CELF2: variants seen among roughly 807,000 people sequenced by gnomAD.
CELF2 encodes CUG triplet repeat RNA-binding protein 2.
Under a neutral mutation model 62.6 loss-of-function variants are expected in CELF2, and 8 were observed. The ratio of observed to expected loss-of-function variants is 0.13; its 90% CI spans 0.07 to 0.23. The LOEUF (loss-of-function observed/expected upper bound fraction) is 0.23. Ranked by LOEUF, CELF2 falls within the 10% of genes least tolerant of loss-of-function variation. The pLI is 1.00. For synonymous variants in CELF2, 258 were observed against 250.0 expected (o/e 1.03, Z -0.30); for missense variants, 333 against 671.0 (o/e 0.50, Z 5.56).
chr10:10,686,994 C>T, the CELF2 span, among the ~76,000 whole-genome samples: 3 of 152,138 alleles, frequency 2.0e-5, no homozygotes, highest in African/African-American at 7.2e-5. Flanking sequence ...GATCTCTGGC[C>T]ATTGTATGCT....
chr10:10,612,395 A>G, the CELF2 span, among the ~76,000 whole-genome samples: 2 of 152,172 alleles, frequency 1.3e-5, no homozygotes, highest in African/African-American at 4.8e-5. Context: ...GTTACTCATT[A>G]ACTGTGAGCT....
chr10:10,675,094 A>G, the CELF2 span, among the ~76,000 whole-genome samples: 1 of 152,102 alleles, frequency 6.6e-6, no homozygotes, highest in Admixed American at 6.6e-5. Context: ...CCCTTTATTT[A>G]TGTGGATCTG....
chr10:11,010,527 G>C lies in CELF2; in HGVS notation c.53+5087G>C, dbSNP rs934866130. Among the ~76,000 whole-genome samples, 7 of 152,124 alleles carry C rather than the reference G, an allele frequency of 4.6e-5. No individual in the cohort carries two copies. The highest frequency in any genetic ancestry group is 1.7e-4 in the African/African-American group (7 of 41,418). On this transcript the variant is annotated intron_variant, in intron 1 of 12. Coordinates refer to the CELF2 transcript ENST00000416382. This position sits in a 1 kb window ranked among gnomAD's most constrained non-coding sequence, Gnocchi z 4.1. The stretch of plus-strand genomic sequence containing the variant: ...TACACTAACTGGTTACTTTGATCTT[G>C]TATAATTTAATCCTCAGATATCCAA...
At chr10:10,601,058 A>G in the CELF2 span, among the ~76,000 whole-genome samples, 1 of 152,186 alleles carries the variant, frequency 6.6e-6, no homozygotes, top group Non-Finnish European at 1.5e-5. Context: ...AGCAACAGCC[A>G]GACCGGAAGA....
intron 1 of CELF2, among the ~76,000 whole-genome samples, chr10:11,144,362 A>T (rs2061869492): frequency 6.6e-6 from 1 of 152,302 alleles, no homozygotes; most frequent in South Asian, 2.1e-4. Context: ...TAAAGTCATA[A>T]GGAATGTCAT....
rs528411261 is a variant in CELF2, at chr10:10,974,647, T to C, written c.89+54648T>C. ...TACTTCACTAAGCCATCCCCTCTGGTTACGTGATTATGTATAGCAATTTAC... is the reference window on the plus strand; with the variant it reads ...TACTTCACTAAGCCATCCCCTCTGGCTACGTGATTATGTATAGCAATTTAC... On this transcript the variant is annotated intron_variant, in intron 2 of 13. Coordinates refer to the CELF2 transcript ENST00000636488. Among the ~76,000 whole-genome samples the C allele has an allele frequency of 5.9e-5, 9 of 152,326 alleles. No individual in the cohort carries two copies. In the South Asian group the frequency reaches 1.9e-3, roughly 32 times the overall value.
chr10:10,988,450 T>C (rs940159083), intron 2 of CELF2, among the ~76,000 whole-genome samples: 10 of 151,998 alleles, frequency 6.6e-5, no homozygotes, highest in African/African-American at 1.9e-4. Context: ...CACTTATAAG[T>C]GGGAGCTAAG....
chr10:11,019,712 CTGTTTT>C (rs1448620086), intron 1 of CELF2, among the ~76,000 whole-genome samples: 3 of 152,104 alleles, frequency 2.0e-5, no homozygotes, highest in Non-Finnish European at 4.4e-5. Flanking sequence ...TTTCCGTATT[CTGTTTT>C]GGTAGTTTTC....
intron 1 of CELF2, among the ~76,000 whole-genome samples, chr10:11,080,742 A>G (rs578246943): frequency 1.3e-5 from 2 of 152,350 alleles, no homozygotes; most frequent in Admixed American, 6.5e-5. Context: ...ATAAGCCCCT[A>G]TTCCGGAGGT....
chr10:11,295,512 C>A (rs1464118265), intron 9 of CELF2, among the ~76,000 whole-genome samples: 2 of 152,176 alleles, frequency 1.3e-5, no homozygotes, highest in Non-Finnish European at 2.9e-5. Context: ...AAGCTCTCTT[C>A]TCTCCTTTCT....
chr10:10,745,956 A>AG, the CELF2 span, among the ~76,000 whole-genome samples: 1 of 152,240 alleles, frequency 6.6e-6, no homozygotes, highest in Non-Finnish European at 1.5e-5. Context: ...TTGATGGCAT[A>AG]GGGATGGAAA....
At chr10:10,529,679 A>G in the CELF2 span, among the ~76,000 whole-genome samples, 1 of 64,554 alleles carries the variant, frequency 1.5e-5, no homozygotes, top group Non-Finnish European at 2.9e-5. Context: ...GCAAGACTCC[A>G]TCTCAAAAAA....
the CELF2 span, among the ~76,000 whole-genome samples, chr10:10,673,764 T>C: frequency 2.0e-5 from 3 of 152,208 alleles, no homozygotes; most frequent in African/African-American, 4.8e-5. Flanking sequence ...AAAATGTTTT[T>C]TAAATTTCTC....
intron 2 of CELF2, among the ~76,000 whole-genome samples, chr10:11,215,944 A>G (rs2063256346): frequency 6.6e-6 from 1 of 152,218 alleles, no homozygotes; most frequent in South Asian, 2.1e-4. Context: ...TAAAAAATCT[A>G]CCATCAAGAA....
At chr10:10,588,940 A>T in the CELF2 span, among the ~76,000 whole-genome samples, 1 of 152,280 alleles carries the variant, frequency 6.6e-6, no homozygotes, top group Middle Eastern at 3.4e-3. Context: ...GTCCTATAAA[A>T]CAAAGAGTGT....
chr10:11,040,523 G>A (rs538029188), intron 1 of CELF2, among the ~76,000 whole-genome samples: 77 of 152,192 alleles, frequency 5.1e-4, no homozygotes, highest in African/African-American at 1.7e-3. Flanking sequence ...TCTATGTAGC[G>A]ACGCACTTCC....
chr10:11,302,598 C>T lies in CELF2; in HGVS notation c.977-11541C>T, dbSNP rs944563486. ...GGCCCTGGGCCAAAGGGACTTGACA[C>T]CACACAACTGTGGTCTTTTTCTTGG... On this transcript the variant is annotated intron_variant, in intron 9 of 12. Coordinates refer to ENST00000633077, the MANE Select transcript of CELF2 (RefSeq NM_001326342.2). The surrounding 1 kb of genome is among the most constrained non-coding windows in gnomAD (Gnocchi z 5.0). Among the ~76,000 whole-genome samples the T allele has an allele frequency of 1.3e-5, 2 of 152,176 alleles. No individual in the cohort carries two copies. Among genetic ancestry groups the T allele is most frequent in the South Asian group, 2.1e-4 (1 of 4,826 alleles).
At chr10:10,681,362 G>A in the CELF2 span, among the ~76,000 whole-genome samples, 2 of 152,022 alleles carry the variant, frequency 1.3e-5, no homozygotes, top group African/African-American at 2.4e-5. Context: ...ACCTCCAACC[G>A]AGATGAAATC....
chr10:11,197,075 GA>G (rs1172930340), intron 2 of CELF2, among the ~76,000 whole-genome samples: 9 of 131,664 alleles, frequency 6.8e-5, no homozygotes, highest in Non-Finnish European at 1.1e-4. Flanking sequence ...AGAAAGGAAA[GA>G]AAGAAAGAAG....
Sources: allele counts gnomAD v4.1 joint callset (sites outside exome capture counted in the v4.1 genomes callset), GRCh38; gene constraint gnomAD v4.1.1; non-coding constraint Gnocchi (gnomAD v3.1); transcripts MANE v1.5; gene names NCBI Gene and HGNC (gene_info 2026-07-23, HGNC 2026-07-21).